PITPNM2: variants seen among roughly 807,000 people sequenced by gnomAD.
The protein encoded by PITPNM2 is phosphatidylinositol transfer protein membrane associated 2, also known as membrane-associated phosphatidylinositol transfer protein 2.
A neutral mutation model predicts 132.2 loss-of-function variants in PITPNM2; 35 were observed. That is an observed-to-expected ratio of 0.26 (90% CI 0.20 to 0.35). PITPNM2 has a LOEUF of 0.35. PITPNM2 is among the 10% of genes least tolerant of loss of function. The pLI is 1.00. For missense variants in PITPNM2, 1,332 were observed against 1,912.0 expected (o/e 0.70, Z 5.66); for synonymous variants, 738 against 799.2 (o/e 0.92, Z 1.29).
At chr12:123,021,082 C>G (rs768853586) in intron 3 of PITPNM2, among the ~76,000 whole-genome samples, 1 of 148,162 alleles carries the variant, frequency 6.7e-6, no homozygotes, top group Non-Finnish European at 1.5e-5. Context: ...CCCAGGTACA[C>G]TTGGTACACT....
chr12:123,000,222 T>C lies in PITPNM2; in HGVS notation c.1224+556A>G, dbSNP rs1296913981. The C allele has an allele frequency of 5.0e-6, 3 of 598,250 alleles. No homozygotes were observed. The highest frequency in any genetic ancestry group is 8.9e-6 in the Non-Finnish European group (3 of 336,344). The allele number at this position is 598,250 out of a possible 1,614,324, so 37.1% of individuals were successfully genotyped here. On this transcript the variant is annotated intron_variant, in intron 10 of 25. Coordinates refer to ENST00000320201, the MANE Select transcript of PITPNM2 (RefSeq NM_020845.3). This position sits in a 1 kb window ranked among gnomAD's most constrained non-coding sequence, Gnocchi z 5.4. ...AGCTCAGCCCTGGCTCCTGTCCCAGTGCAAACAGCTCTGACGGCCCGCAGG... is the reference window on the plus strand; with the variant it reads ...AGCTCAGCCCTGGCTCCTGTCCCAGCGCAAACAGCTCTGACGGCCCGCAGG...
chr12:123,112,805 A>G (rs957168002), intron 1 of PITPNM2, among the ~76,000 whole-genome samples: 14 of 152,094 alleles, frequency 9.2e-5, no homozygotes. Flanking sequence ...CCCAAAGTGC[A>G]GGGATTACAG....
chr12:123,143,551 G>C lies in PITPNM2; in HGVS notation c.-200+7202C>G, dbSNP rs538323687. ...TTCCTCTGAGAGAGCCCAGGCATAAGAAGGCCACAATTTGAGGCATGGGGG... is the reference window on the plus strand; with the variant it reads ...TTCCTCTGAGAGAGCCCAGGCATAACAAGGCCACAATTTGAGGCATGGGGG... On this transcript the variant is annotated intron_variant, in intron 1 of 25. Coordinates refer to ENST00000320201, the MANE Select transcript of PITPNM2 (RefSeq NM_020845.3). 5.9e-5 allele frequency among the ~76,000 whole-genome samples: 9 copies of C among 152,318 alleles called. No individual in the cohort carries two copies. The South Asian group carries it at 1.9e-3, about 32-fold the overall frequency.
In PITPNM2 at chr12:122,986,796, G is replaced by A. The variant is rs775790387; in HGVS notation, c.3447C>T (p.Tyr1149=). 21 of 1,612,914 alleles carry A rather than the reference G, an allele frequency of 1.3e-5. No individual in the cohort carries two copies. Among genetic ancestry groups the A allele is most frequent in the African/African-American group, 1.1e-4 (8 of 74,934 alleles). The part of the protein sequence containing the change: ...HWQDLGYLII[Y]VTGRPDMQKQ... ...TCTGCATGTCGGGCCGGCCCGTCAC[G>A]TAGATGATGAGGTAGCCCAGGTCCT... Residue 1149 remains tyrosine (Y), a synonymous_variant, in exon 24 of 26, where the codon TAC becomes TAT. Coordinates refer to ENST00000320201, the MANE Select transcript of PITPNM2 (RefSeq NM_020845.3).
chr12:123,000,809 G>A lies in PITPNM2; in HGVS notation c.1193C>T (p.Ala398Val). Reference sequence around the variant, plus strand: ...GATGTTCAGCTGCTCCACACTGGAGGCCACCCTGAACTCAGGGGCACCCTG... The same window carrying A: ...GATGTTCAGCTGCTCCACACTGGAGACCACCCTGAACTCAGGGGCACCCTG... ...YRQGAPEFRV[A>V]SSVEQLNIIE... is the part of the protein sequence containing the mutation. The change falls in exon 10 of 26, where the codon GCC (alanine) becomes GTC (valine). Residue 398 changes from alanine (A) to valine (V), a missense_variant. By Grantham distance (64) the Ala-to-Val change is moderately conservative. Coordinates refer to ENST00000320201, the MANE Select transcript of PITPNM2 (RefSeq NM_020845.3). This position sits in a 1 kb window ranked among gnomAD's most constrained non-coding sequence, Gnocchi z 5.4. 1 of 1,614,052 alleles carries A rather than the reference G, an allele frequency of 6.2e-7. No homozygotes were observed. The highest frequency in any genetic ancestry group is 8.5e-7 in the Non-Finnish European group (1 of 1,180,042).
At chr12:122,988,188 T>TGA in intron 20 of PITPNM2, 46 bp downstream of exon 20, 1 of 1,500,366 alleles carries the variant, frequency 6.7e-7, no homozygotes, top group Non-Finnish European at 9.2e-7. Context: ...CGGAGGCTGG[T>TGA]GACAGGGTGA....
intron 2 of PITPNM2, among the ~76,000 whole-genome samples, chr12:123,061,331 T>C (rs1357336502): frequency 5.3e-5 from 8 of 152,172 alleles, no homozygotes; most frequent in Non-Finnish European, 8.8e-5. Context: ...CTAAGGCCAA[T>C]CCTCATCAAC....
At chr12:123,024,524 T>C (rs544518985) in intron 3 of PITPNM2, among the ~76,000 whole-genome samples, 5 of 152,270 alleles carry the variant, frequency 3.3e-5, no homozygotes, top group Admixed American at 3.3e-4. Flanking sequence ...ACAACCCAAA[T>C]GTCCACCAAC....
chr12:123,014,892 T>C (rs1478916138), intron 3 of PITPNM2, among the ~76,000 whole-genome samples: 1 of 152,044 alleles, frequency 6.6e-6, no homozygotes, highest in African/African-American at 2.4e-5. Context: ...AAATGACACA[T>C]AGAAATGAAC....
intron 5 of PITPNM2, 135 bp from the exon 6 acceptor site, chr12:123,010,212 T>C: frequency 1.4e-6 from 1 of 708,656 alleles, no homozygotes. Flanking sequence ...GGAGTGAGGA[T>C]CATGTTCTGG....
intron 2 of PITPNM2, among the ~76,000 whole-genome samples, chr12:123,074,452 T>C (rs2041713555): frequency 6.6e-6 from 1 of 151,746 alleles, no homozygotes; most frequent in Non-Finnish European, 1.5e-5. Flanking sequence ...GCCACACACA[T>C]GCACACACAC....
At chr12:123,051,185 A>G (rs1358617444) in intron 2 of PITPNM2, among the ~76,000 whole-genome samples, 2 of 152,202 alleles carry the variant, frequency 1.3e-5, no homozygotes, top group African/African-American at 4.8e-5. Flanking sequence ...CTCTTGCAGG[A>G]GGAAATGACC....
chr12:123,147,179 C>G (rs911379416), intron 1 of PITPNM2, among the ~76,000 whole-genome samples: 1 of 152,176 alleles, frequency 6.6e-6, no homozygotes, highest in African/African-American at 2.4e-5. Flanking sequence ...GAAGTCAACC[C>G]TGACTGCCTT....
Position 123,108,236 on chromosome 12 carries a change from G to A in PITPNM2, c.-96+2149C>T, listed in dbSNP as rs556040103. ...TAAATACTTTATGGACAAATGAGTG[G>A]AGCAGAACAATTCCTGAAGACATTT... On this transcript the variant is annotated intron_variant, in intron 2 of 25. Coordinates refer to ENST00000320201, the MANE Select transcript of PITPNM2 (RefSeq NM_020845.3). This position sits in a 1 kb window ranked among gnomAD's most constrained non-coding sequence, Gnocchi z 4.4. 6.6e-6 allele frequency among the ~76,000 whole-genome samples: 1 copy of A among 152,302 alleles called. No individual in the cohort carries two copies. Among genetic ancestry groups the A allele is most frequent in the Admixed American group, 6.5e-5 (1 of 15,300 alleles).
chr12:123,015,697 T>C (rs975935527), intron 3 of PITPNM2, among the ~76,000 whole-genome samples: 4 of 152,206 alleles, frequency 2.6e-5, no homozygotes, highest in African/African-American at 9.6e-5. Context: ...GATTTGGCAA[T>C]GCTTTCTTAA....
chr12:123,075,410 G>C (rs1197828257), intron 2 of PITPNM2, among the ~76,000 whole-genome samples: 1 of 152,204 alleles, frequency 6.6e-6, no homozygotes, highest in Admixed American at 6.5e-5. Context: ...CACAGCCTGG[G>C]TGGTGGATTC....
Position 123,022,299 on chromosome 12 carries a change from C to T in PITPNM2, c.79-8257G>A, listed in dbSNP as rs183676839. Among the ~76,000 whole-genome samples the T allele has an allele frequency of 2.9e-3, 449 of 152,252 alleles. 6 individuals are homozygous for T. The highest frequency in any genetic ancestry group is 9.8e-3 in the African/African-American group (409 of 41,534). Reference sequence around the variant, plus strand: ...CTCAGCTGTGCCTCTGATCAGGATGCGGCTGCGGAGGAAGGCCCTTTTCAT... The same window carrying T: ...CTCAGCTGTGCCTCTGATCAGGATGTGGCTGCGGAGGAAGGCCCTTTTCAT... On this transcript the variant is annotated intron_variant, in intron 3 of 25. Transcript: ENST00000320201. The surrounding 1 kb of genome is among the most constrained non-coding windows in gnomAD (Gnocchi z 4.9).
chr12:122,997,482 C>T lies in PITPNM2; in HGVS notation c.1315G>A (p.Ala439Thr), dbSNP rs760973250. ...LHGGTILDTG[A>T]GDPSSKKGDA... is the part of the protein sequence containing the mutation. ...CCCTTCTTGGAGCTGGGGTCCCCGG[C>T]GCCTGTGTCCAGGATGGTGCCTCCG... The change falls in exon 11 of 26, where the codon GCC becomes ACC. Residue 439 changes from alanine (A) to threonine (T), a missense_variant. Physicochemically the swap from Ala to Thr is moderately conservative, Grantham distance 58. Coordinates refer to ENST00000320201, the MANE Select transcript of PITPNM2 (RefSeq NM_020845.3). 3.2e-5 allele frequency: 52 copies of T among 1,613,416 alleles called. No homozygotes were observed. The highest frequency in any genetic ancestry group is 4.0e-5 in the African/African-American group (3 of 74,932).
chr12:123,114,557 G>A (rs972729327), intron 1 of PITPNM2, among the ~76,000 whole-genome samples: 2 of 151,236 alleles, frequency 1.3e-5, no homozygotes, highest in African/African-American at 4.9e-5. Flanking sequence ...TTGTCCCAGT[G>A]TGCCCCTTGG....
Sources: allele counts gnomAD v4.1 joint callset (sites outside exome capture counted in the v4.1 genomes callset), GRCh38; gene constraint gnomAD v4.1.1; non-coding constraint Gnocchi (gnomAD v3.1); transcripts MANE v1.5; gene names NCBI Gene and HGNC (gene_info 2026-07-23, HGNC 2026-07-21).